FABP12: variants seen among roughly 807,000 people sequenced by gnomAD.
FABP12 encodes the protein fatty acid-binding protein 12.
A neutral mutation model predicts 13.7 loss-of-function variants in FABP12; 19 were observed. The observed-to-expected ratio is 1.39, with a 90% confidence interval of 0.97 to 2.04. FABP12 has a LOEUF of 2.04. Ranked by LOEUF, FABP12 falls within the 30% of genes most tolerant of loss-of-function variation. The pLI, the probability that FABP12 is intolerant of heterozygous loss-of-function variation, is 0.00. For synonymous variants in FABP12, 61 were observed against 57.0 expected, an observed-to-expected ratio of 1.07 and a Z score of -0.32; for missense variants, 182 against 164.2, an observed-to-expected ratio of 1.11 and a Z score of -0.59.
chr8:81,577,128 CAT>C (rs2130091508), intron 1 of FABP12, among the ~76,000 whole-genome samples: 1 of 152,298 alleles, frequency 6.6e-6, no homozygotes, highest in Non-Finnish European at 1.5e-5. Flanking sequence ...TAAATGTGCA[CAT>C]GTCATTTTGC....
intron 1 of FABP12, among the ~76,000 whole-genome samples, chr8:81,559,914 A>G (rs1809691427): frequency 6.6e-6 from 1 of 152,246 alleles, no homozygotes; most frequent in Non-Finnish European, 1.5e-5. Flanking sequence ...GGATTTCCAC[A>G]TAGTTCAAAC....
intron 1 of FABP12, among the ~76,000 whole-genome samples, chr8:81,578,823 G>GTTTCTTTTTTTC (rs71268012): frequency 9.5e-6 from 1 of 105,668 alleles, no homozygotes; most frequent in East Asian, 3.0e-4. Context: ...ATTTGTTCAA[G>GTTTCTTTTTTTC]TTTTTTTTTT....
At chr8:81,536,410 C>T (rs1212257110), upstream of FABP12, among the ~76,000 whole-genome samples, 1 of 152,218 alleles carries the variant, frequency 6.6e-6, no homozygotes, top group Non-Finnish European at 1.5e-5. Context: ...CAAGATTTTC[C>T]AGTCTTTTGT....
At chr8:81,559,561 T>A (rs569849986) in intron 1 of FABP12, among the ~76,000 whole-genome samples, 2 of 152,340 alleles carry the variant, frequency 1.3e-5, no homozygotes, top group Admixed American at 6.5e-5. Context: ...ACGTAGCTTC[T>A]TTCCCTTGCC....
upstream of FABP12, among the ~76,000 whole-genome samples, chr8:81,537,677 T>C (rs1485496858): frequency 6.6e-6 from 1 of 152,156 alleles, no homozygotes; most frequent in Admixed American, 6.5e-5. Context: ...CTTAGTATTT[T>C]CTGGCTAAGA....
chr8:81,529,297 T>C (rs921555289), intron 3 of FABP12, 141 bp downstream of exon 3: 4 of 802,540 alleles, frequency 5.0e-6, no homozygotes, highest in Middle Eastern at 4.7e-4. Context: ...TATCTTCACA[T>C]TGACATCCTT....
At chr8:81,529,127 GGGA>G (rs1345748170) in intron 3 of FABP12, among the ~76,000 whole-genome samples, 1 of 152,092 alleles carries the variant, frequency 6.6e-6, no homozygotes, top group Non-Finnish European at 1.5e-5. Context: ...AAAATGGATA[GGGA>G]AAACTTTTGT....
intron 1 of FABP12, among the ~76,000 whole-genome samples, chr8:81,554,248 T>G (rs190087045): frequency 2.6e-5 from 4 of 152,218 alleles, no homozygotes; most frequent in Non-Finnish European, 5.9e-5. Flanking sequence ...GTCTGTATTT[T>G]CCGACTGGAT....
chr8:81,557,587 T>C (rs1298928899), intron 1 of FABP12, among the ~76,000 whole-genome samples: 1 of 152,246 alleles, frequency 6.6e-6, no homozygotes, highest in Non-Finnish European at 1.5e-5. Flanking sequence ...AGATATTAGC[T>C]ATCACAGACA....
chr8:81,560,198 G>A (rs970305462), intron 1 of FABP12, among the ~76,000 whole-genome samples: 1 of 152,204 alleles, frequency 6.6e-6, no homozygotes, highest in Non-Finnish European at 1.5e-5. Flanking sequence ...TGAAGGAAAT[G>A]AAGAAGTAAA....
chr8:81,576,050 A>C (rs910710832), intron 1 of FABP12, among the ~76,000 whole-genome samples: 2 of 152,242 alleles, frequency 1.3e-5, no homozygotes, highest in Non-Finnish European at 2.9e-5. Flanking sequence ...ATAAGAAAGC[A>C]AATGTATTTG....
intron 1 of FABP12, among the ~76,000 whole-genome samples, chr8:81,567,160 A>G (rs1267671947): frequency 2.0e-5 from 3 of 152,218 alleles, no homozygotes; most frequent in Non-Finnish European, 4.4e-5. Flanking sequence ...AGAGGACACA[A>G]AAAAATGGAA....
intron 1 of FABP12, among the ~76,000 whole-genome samples, chr8:81,540,821 C>A (rs1433853048): frequency 2.0e-5 from 3 of 152,116 alleles, no homozygotes; most frequent in African/African-American, 7.2e-5. Context: ...TATGTGGGAG[C>A]TCTGTACTGT....
intron 1 of FABP12, among the ~76,000 whole-genome samples, chr8:81,568,070 C>T (rs931615944): frequency 2.0e-5 from 3 of 151,256 alleles, no homozygotes; most frequent in East Asian, 1.9e-4. Context: ...TTGCAGTGAG[C>T]CGAGATTGCG....
At chr8:81,548,796 G>C (rs1183874867) in intron 1 of FABP12, among the ~76,000 whole-genome samples, 4 of 152,138 alleles carry the variant, frequency 2.6e-5, no homozygotes, top group African/African-American at 9.7e-5. Flanking sequence ...TGTATGGTGT[G>C]GGGGTGGGGC....
rs117075783 is a variant in FABP12, at chr8:81,589,540, C to G, written c.-185+513G>C. On this transcript the variant is annotated intron_variant, in intron 1 of 5. Transcript: ENST00000692030. ...ACTCCTAACCTGGCAGTCCCTGAGA[C>G]AGCAGGTCACCCAATTCACTTTCCC... Among the ~76,000 whole-genome samples the G allele has an allele frequency of 2.6e-5, 4 of 152,326 alleles. No individual in the cohort carries two copies. In the East Asian group the frequency reaches 7.7e-4, roughly 29 times the overall value.
At chr8:81,567,242 C>G (rs1304291860) in intron 1 of FABP12, among the ~76,000 whole-genome samples, 2 of 152,018 alleles carry the variant, frequency 1.3e-5, no homozygotes, top group Non-Finnish European at 2.9e-5. Context: ...GTAATCAAAG[C>G]ATTGGTAGGG....
At chr8:81,532,701 G>A (rs1484112848) in intron 1 of FABP12, among the ~76,000 whole-genome samples, 5 of 152,196 alleles carry the variant, frequency 3.3e-5, no homozygotes. Flanking sequence ...CGCACCTGTA[G>A]TCCCAGCTAC....
At chr8:81,553,394 C>T (rs949842872) in intron 1 of FABP12, among the ~76,000 whole-genome samples, 2 of 152,130 alleles carry the variant, frequency 1.3e-5, no homozygotes, top group Non-Finnish European at 2.9e-5. Flanking sequence ...GGACACAGTG[C>T]TATTGTATCA....
Sources: gnomAD v4.1 joint callset for allele counts (sites outside exome capture counted in the v4.1 genomes callset) on GRCh38, gnomAD v4.1.1 for gene constraint, MANE v1.5 for transcripts, NCBI Gene and HGNC (gene_info 2026-07-23, HGNC 2026-07-21) for gene names.